Variants in NECAP2 observed in about 807,000 individuals in gnomAD.
The protein encoded by NECAP2 is NECAP endocytosis associated 2, also known as adaptin ear-binding coat-associated protein 2.
NECAP2 carries 38 observed loss-of-function variants against 37.8 expected under a neutral mutation model. The ratio of observed to expected loss-of-function variants is 1.01; its 90% CI spans 0.78 to 1.32. NECAP2 has a LOEUF of 1.32. NECAP2 is among the 40% of genes most tolerant of loss of function. The probability of loss-of-function intolerance (pLI) is 0.00; values close to 1 mark genes in which losing one functional copy is unlikely to be tolerated. For synonymous variants in NECAP2, 121 were observed against 127.7 expected (o/e 0.95, Z 0.35); for missense variants, 316 against 334.5 (o/e 0.94, Z 0.43).
At chr1:16,458,450 C>T (rs952375318) in intron 7 of NECAP2, among the ~76,000 whole-genome samples, 3 of 151,866 alleles carry the variant, frequency 2.0e-5, no homozygotes, top group African/African-American at 7.3e-5. Context: ...AAAAGAAATA[C>T]AAAAATTAAC....
At chr1:16,457,703 TTC>T (rs1204150625) in intron 7 of NECAP2, among the ~76,000 whole-genome samples, 3 of 149,142 alleles carry the variant, frequency 2.0e-5, no homozygotes, top group Non-Finnish European at 4.4e-5. Context: ...AATATAGTAA[TTC>T]TGTTTTTTTT....
rs1039885435 is a variant in NECAP2 at position 16,459,408 on chromosome 1, A to T, written c.*518A>T. The T allele has an allele frequency of 6.5e-6, 1 of 153,886 alleles. No individual in the cohort carries two copies. Among genetic ancestry groups the T allele is most frequent in the Non-Finnish European group, 1.4e-5 (1 of 69,194 alleles). The allele number at this position is 153,886 out of a possible 1,614,324, so 9.5% of individuals were successfully genotyped here. On this transcript the variant is annotated 3_prime_UTR_variant, in exon 8 of 8. Transcript: ENST00000337132. ...TTTAGAGGCTGCAGCTTGAGCTACAATCAGGAGGGAAATTGGAAGGATTAG... is the reference window on the plus strand; with the variant it reads ...TTTAGAGGCTGCAGCTTGAGCTACATTCAGGAGGGAAATTGGAAGGATTAG...
intron 7 of NECAP2, among the ~76,000 whole-genome samples, chr1:16,457,213 T>C (rs2086934030): frequency 6.6e-6 from 1 of 152,174 alleles, no homozygotes; most frequent in Non-Finnish European, 1.5e-5. Flanking sequence ...CCCAGCACTT[T>C]GGGATTCCCA....
chr1:16,455,980 T>C, intron 7 of NECAP2, 87 bp downstream of exon 7: 1 of 976,352 alleles, frequency 1.0e-6, no homozygotes, highest in Non-Finnish European at 1.6e-6. Context: ...TGCCTTCTGG[T>C]GTTAGGATTA....
chr1:16,448,277 C>A, intron 4 of NECAP2, 136 bp downstream of exon 4: 2 of 801,468 alleles, frequency 2.5e-6, no homozygotes, highest in Non-Finnish European at 4.3e-6. Flanking sequence ...CAGGACAAGC[C>A]ACCTCTCTTC....
At chr1:16,447,754 C>G in intron 2 of NECAP2, 116 bp from the exon 3 acceptor site, 2 of 765,032 alleles carry the variant, frequency 2.6e-6, no homozygotes, top group Non-Finnish European at 4.6e-6. Flanking sequence ...TAAGGTTTGC[C>G]GATCTGTCTC....
chr1:16,448,587 G>A (rs1047856668), intron 4 of NECAP2, among the ~76,000 whole-genome samples: 2 of 152,190 alleles, frequency 1.3e-5, no homozygotes, highest in African/African-American at 4.8e-5. Context: ...GGCTGTGCCC[G>A]GCCACTCACA....
intron 1 of NECAP2, among the ~76,000 whole-genome samples, chr1:16,441,865 A>C (rs1217222380): frequency 6.6e-6 from 1 of 152,224 alleles, no homozygotes; most frequent in Admixed American, 6.5e-5. Flanking sequence ...GACATATTTT[A>C]AAATAGTATA....
At chr1:16,441,145 T>A in intron 1 of NECAP2, 2 of 440,560 alleles carry the variant, frequency 4.5e-6, no homozygotes, top group Non-Finnish European at 8.3e-6. Flanking sequence ...GGTGGTGATG[T>A]CACAGACGCT....
chr1:16,451,501 G>C, intron 5 of NECAP2: 1 of 271,814 alleles, frequency 3.7e-6, no homozygotes, highest in Non-Finnish European at 7.0e-6. Flanking sequence ...TAAGCCAGCA[G>C]CGCGTGAATG....
Position 16,449,553 on chromosome 1 carries a change from C to G in NECAP2, c.489+352C>G, listed in dbSNP as rs764495708. ...GACCTGTAGGCAAGGGAAGAGTGAT[C>G]AAAGAGTGGTTCACACAGAGGAACA... On this transcript the variant is annotated intron_variant, in intron 5 of 7. Transcript: ENST00000337132. 2.4e-5 allele frequency: 6 copies of G among 245,628 alleles called. No individual in the cohort carries two copies. In the South Asian group the frequency reaches 3.2e-4, roughly 13 times the overall value. 15.2% of individuals were successfully genotyped at this position (245,628 alleles called of 1,614,324 possible).
In NECAP2 at chr1:16,449,131, A is replaced by C; in HGVS notation, c.419A>C (p.Gln140Pro). The change falls in exon 5 of 8, where the codon CAG (glutamine) becomes CCG (proline). Residue 140 changes from glutamine (Q) to proline (P), a missense_variant. Coordinates refer to ENST00000337132, the MANE Select transcript of NECAP2 (RefSeq NM_018090.5). Reference protein sequence around the residue: ...KQQCEFAKQAQNPDQGPKLDL... With the variant: ...KQQCEFAKQAPNPDQGPKLDL... Reference sequence around the variant, plus strand: ...CAGTGTGAATTTGCAAAACAAGCCCAGAACCCAGACCAAGGCCCTAAACTG... The same window carrying C: ...CAGTGTGAATTTGCAAAACAAGCCCCGAACCCAGACCAAGGCCCTAAACTG... The C allele has an allele frequency of 6.2e-7, 1 of 1,613,620 alleles. No homozygotes were observed. Among genetic ancestry groups the C allele is most frequent in the Non-Finnish European group, 8.5e-7 (1 of 1,179,814 alleles).
chr1:16,445,976 G>A (rs1359105479), intron 2 of NECAP2, among the ~76,000 whole-genome samples: 1 of 151,966 alleles, frequency 6.6e-6, no homozygotes, highest in Non-Finnish European at 1.5e-5. Context: ...TGGGAGGCCA[G>A]TGCAGGCAGA....
intron 7 of NECAP2, among the ~76,000 whole-genome samples, chr1:16,456,641 CTT>C (rs981330850): frequency 3.3e-5 from 5 of 152,176 alleles, no homozygotes; most frequent in Admixed American, 3.3e-4. Context: ...GATCTCAAGA[CTT>C]TACTTGGGGC....
intron 2 of NECAP2, among the ~76,000 whole-genome samples, chr1:16,445,485 CT>C (rs1557685980): frequency 6.6e-6 from 1 of 152,200 alleles, no homozygotes; most frequent in African/African-American, 2.4e-5. Context: ...AAAATCACCC[CT>C]GATTGAGAAC....
intron 6 of NECAP2, among the ~76,000 whole-genome samples, chr1:16,455,069 A>G (rs1392186549): frequency 6.6e-6 from 1 of 152,236 alleles, no homozygotes; most frequent in Non-Finnish European, 1.5e-5. Context: ...GGTGAACTGT[A>G]AAACTCTAAA....
chr1:16,447,451 A>C (rs2086780705), intron 2 of NECAP2, among the ~76,000 whole-genome samples: 1 of 152,126 alleles, frequency 6.6e-6, no homozygotes, highest in South Asian at 2.1e-4. Flanking sequence ...CTCAGGTACT[A>C]GCCTCTTCAG....
At chr1:16,455,987 A>T in intron 7 of NECAP2, 94 bp downstream of exon 7, 4 of 816,860 alleles carry the variant, frequency 4.9e-6, no homozygotes, top group African/African-American at 1.7e-5. Flanking sequence ...TGGTGTTAGG[A>T]TTAGGAGTAA....
chr1:16,457,281 C>T (rs1296450825), intron 7 of NECAP2, among the ~76,000 whole-genome samples: 1 of 152,070 alleles, frequency 6.6e-6, no homozygotes, highest in African/African-American at 2.4e-5. Flanking sequence ...CATGGTCAAA[C>T]CCCATCTCTA....
Sources: gnomAD v4.1 joint callset for allele counts (sites outside exome capture counted in the v4.1 genomes callset) on GRCh38, gnomAD v4.1.1 for gene constraint, MANE v1.5 for transcripts, NCBI Gene and HGNC (gene_info 2026-07-23, HGNC 2026-07-21) for gene names.